The following WDR3 variants were observed in gnomAD, a reference collection of about 807,000 sequenced individuals.
WDR3 encodes WD repeat domain 3.
Under a neutral mutation model 123.7 loss-of-function variants are expected in WDR3, and 81 were observed. The observed-to-expected ratio is 0.65, with a 90% CI of 0.55 to 0.79. The LOEUF (loss-of-function observed/expected upper bound fraction) is 0.79, where lower values mean the gene tolerates loss of function less well. WDR3 is among the 30% of genes least tolerant of loss of function. The pLI is 0.00. For synonymous variants in WDR3, 390 were observed against 388.8 expected (o/e 1.00, Z -0.04); for missense variants, 1,027 against 1,123.2 (o/e 0.91, Z 1.22).
Position 117,964,179 on chromosome 1 carries a change from C to A in WDR3, c.*4732C>A. The A allele has an allele frequency of 3.4e-6, 1 of 298,498 alleles. No homozygotes were observed. The highest frequency in any genetic ancestry group is 4.3e-5 in the Admixed American group (1 of 23,110). The allele number at this position is 298,498 out of a possible 1,614,324, so 18.5% of individuals were successfully genotyped here. On this transcript the variant is annotated 3_prime_UTR_variant, in exon 27 of 27. Coordinates refer to ENST00000349139, the MANE Select transcript of WDR3 (RefSeq NM_006784.3). ...TTCTCTCCTAACTGTGACTGGCTTTCTATAAGGAGCCATCAGTATGGTCAA... is the reference window on the plus strand; with the variant it reads ...TTCTCTCCTAACTGTGACTGGCTTTATATAAGGAGCCATCAGTATGGTCAA...
chr1:117,949,667 C>CT, intron 13 of WDR3, 84 bp from the exon 14 acceptor site: 1 of 1,437,866 alleles, frequency 7.0e-7, no homozygotes, highest in Non-Finnish European at 9.5e-7. Flanking sequence ...AATAAAAATA[C>CT]TTTCTTAGAC....
chr1:117,956,117 A>G (rs780907569), intron 24 of WDR3, among the ~76,000 whole-genome samples: 15 of 152,066 alleles, frequency 9.9e-5, no homozygotes, highest in Non-Finnish European at 1.0e-4. Context: ...TTTGTTGACC[A>G]TTTGTATTTT....
chr1:117,934,590 G>C lies in WDR3; in HGVS notation c.289G>C (p.Gly97Arg), dbSNP rs989527119. ...GATCCGAATCTTCAGTCTCCTGAGT[G>C]GGGAAGGAAATGTGACCTTCAATGG... Reference protein sequence around the residue: ...GSIRIFSLLSGEGNVTFNGHK... With the variant: ...GSIRIFSLLSREGNVTFNGHK... The change falls in exon 3 of 27, where the codon GGG becomes CGG. Residue 97 changes from glycine (G) to arginine (R), a missense_variant. Coordinates refer to ENST00000349139, the MANE Select transcript of WDR3 (RefSeq NM_006784.3). 5 of 1,614,166 alleles carry C rather than the reference G, an allele frequency of 3.1e-6. No individual in the cohort carries two copies. Among genetic ancestry groups the C allele is most frequent in the Non-Finnish European group, 3.4e-6 (4 of 1,180,008 alleles).
intron 3 of WDR3, among the ~76,000 whole-genome samples, chr1:117,935,988 A>G (rs1158656834): frequency 2.0e-5 from 3 of 152,074 alleles, no homozygotes; most frequent in African/African-American, 4.8e-5. Flanking sequence ...TTCAAAAGAG[A>G]TACTTTATGG....
chr1:117,936,963 CATG>C, intron 4 of WDR3, 76 bp downstream of exon 4: 5 of 1,264,932 alleles, frequency 4.0e-6, no homozygotes, highest in Non-Finnish European at 5.7e-6. Context: ...TCATTTCTCT[CATG>C]AGCAGTGTGC....
At chr1:117,946,961 A>T (rs1651426812) in intron 12 of WDR3, among the ~76,000 whole-genome samples, 1 of 150,852 alleles carries the variant, frequency 6.6e-6, no homozygotes, top group Non-Finnish European at 1.5e-5. Flanking sequence ...AAAAAAAAAA[A>T]TGAGTAATTT....
At chr1:117,947,681 T>G (rs963426093) in intron 12 of WDR3, among the ~76,000 whole-genome samples, 2 of 152,200 alleles carry the variant, frequency 1.3e-5, no homozygotes, top group African/African-American at 4.8e-5. Flanking sequence ...GATGAAAAAC[T>G]AGGTTCATGG....
chr1:117,960,224 C>T lies in WDR3; in HGVS notation c.*777C>T, dbSNP rs1455066050. 6.6e-6 allele frequency: 1 copy of T among 151,618 alleles called. No individual in the cohort carries two copies. Among genetic ancestry groups the T allele is most frequent in the Non-Finnish European group, 1.5e-5 (1 of 67,958 alleles). 9.4% of individuals were successfully genotyped at this position (151,618 alleles called of 1,614,324 possible). ...CAGGTGGTAGGGGCACTGACCCACC[C>T]CTACGCCCCGCACAGTCAAAAATCT... On this transcript the variant is annotated 3_prime_UTR_variant, in exon 27 of 27. Coordinates refer to ENST00000349139, the MANE Select transcript of WDR3 (RefSeq NM_006784.3).
At chr1:117,951,280 G>A (rs555153479) in intron 16 of WDR3, among the ~76,000 whole-genome samples, 3 of 151,662 alleles carry the variant, frequency 2.0e-5, no homozygotes, top group East Asian at 3.9e-4. Flanking sequence ...GGATAGTTAC[G>A]GTATTTTACA....
In WDR3 at chr1:117,959,299, T is replaced by C. The variant is rs1652688527; in HGVS notation, c.2684T>C (p.Ile895Thr). The C allele has an allele frequency of 1.9e-6, 3 of 1,610,504 alleles. No individual in the cohort carries two copies. The highest frequency in any genetic ancestry group is 1.7e-5 in the Admixed American group (1 of 59,208). ...TCTTGTATTGCACTCCAGGATGTTA[T>C]CGGCTTCAATATGGCTGGTCTTGAT... ...ISKVSQVRDVIGFNMAGLDYL... is the reference protein window; with the variant it reads ...ISKVSQVRDVTGFNMAGLDYL... The change falls in exon 27 of 27, where the codon ATC (isoleucine) becomes ACC (threonine). Residue 895 changes from isoleucine (I) to threonine (T), a missense_variant. By Grantham distance (89) the Ile-to-Thr change is moderately conservative. Transcript: ENST00000349139.
rs199684236 is a variant in WDR3, at chr1:117,963,794, T to C, written c.*4347T>C. 6.2e-6 allele frequency: 10 copies of C among 1,606,368 alleles called. No individual in the cohort carries two copies. Among genetic ancestry groups the C allele is most frequent in the Non-Finnish European group, 8.5e-6 (10 of 1,175,972 alleles). Reference sequence around the variant, plus strand: ...AATCAAATTCCCATTTATTACTTACTGTACCTAATGTGGAGAAACTTTACG... The same window carrying C: ...AATCAAATTCCCATTTATTACTTACCGTACCTAATGTGGAGAAACTTTACG... On this transcript the variant is annotated 3_prime_UTR_variant, in exon 27 of 27. Coordinates refer to ENST00000349139, the MANE Select transcript of WDR3 (RefSeq NM_006784.3).
rs760660940 is a variant in WDR3 at position 117,939,497 on chromosome 1, G to A, written c.600G>A (p.Leu200=). ...TATAGGTATGGGGGTTGGTTCTGTT[G>A]TCAGAAGAAAAGCGACTCATCACTG... is the stretch of plus-strand genomic sequence containing the variant. ...HRTEVWGLVL[L]SEEKRLITGA... Residue 200 remains leucine, a synonymous_variant, in exon 6 of 27, where the codon TTG becomes TTA. Transcript: ENST00000349139. The A allele has an allele frequency of 6.2e-7, 1 of 1,610,578 alleles. No individual in the cohort carries two copies. The highest frequency in any genetic ancestry group is 8.5e-7 in the Non-Finnish European group (1 of 1,178,020).
Position 117,964,061 on chromosome 1 carries a change from T to C in WDR3, c.*4614T>C, listed in dbSNP as rs1019163532. On this transcript the variant is annotated 3_prime_UTR_variant, in exon 27 of 27. Coordinates refer to ENST00000349139, the MANE Select transcript of WDR3 (RefSeq NM_006784.3). Reference sequence around the variant, plus strand: ...ACATCAGTTCAATTTTAGGTAACTGTCTATCCAATGCAAATTCTGCATGCT... The same window carrying C: ...ACATCAGTTCAATTTTAGGTAACTGCCTATCCAATGCAAATTCTGCATGCT... 2.6e-5 allele frequency: 29 copies of C among 1,118,072 alleles called. No individual in the cohort carries two copies. The highest frequency in any genetic ancestry group is 3.7e-5 in the Non-Finnish European group (29 of 784,128). 69.3% of individuals were successfully genotyped at this position (1,118,072 alleles called of 1,614,324 possible). A position where few individuals can be genotyped will look rare whatever the true frequency, so the allele number is the denominator to read the frequency against.
At position 117,961,685 on chromosome 1, in the gene WDR3, G is replaced by A. The variant is rs1483433616; in HGVS notation, c.*2238G>A. ...TGCCGATTTGTGTCCCAAACCACAAGTCTTAATGTTCTTGAGCATAACACA... is the reference window on the plus strand; with the variant it reads ...TGCCGATTTGTGTCCCAAACCACAAATCTTAATGTTCTTGAGCATAACACA... On this transcript the variant is annotated 3_prime_UTR_variant, in exon 27 of 27. Coordinates refer to ENST00000349139, the MANE Select transcript of WDR3 (RefSeq NM_006784.3). 1.3e-5 allele frequency: 2 copies of A among 152,164 alleles called. No homozygotes were observed. The highest frequency in any genetic ancestry group is 2.9e-5 in the Non-Finnish European group (2 of 68,034). 9.4% of individuals were successfully genotyped at this position (152,164 alleles called of 1,614,324 possible).
chr1:117,940,938 G>T lies in WDR3; in HGVS notation c.787G>T (p.Asp263Tyr). ...CTTTGAGACGGATGAAGCCCCTGAG[G>T]ATGTAATTCATTTTCATTTCTTAAG... is the stretch of plus-strand genomic sequence containing the variant. ...GAFETDEAPE[D>Y]RILSCRKAGS... The change falls in exon 7 of 27, where the codon GAT (aspartate) becomes TAT (tyrosine). Residue 263 changes from aspartate to tyrosine, a missense_variant and splice_region_variant. Asp to Tyr is a radical substitution (Grantham distance 160). Transcript: ENST00000349139. 2 of 1,606,412 alleles carry T rather than the reference G, an allele frequency of 1.2e-6. No individual in the cohort carries two copies. The highest frequency in any genetic ancestry group is 1.7e-6 in the Non-Finnish European group (2 of 1,178,014).
intron 6 of WDR3, 61 bp from the exon 7 acceptor site, chr1:117,940,766 C>A: frequency 1.4e-6 from 2 of 1,426,906 alleles, no homozygotes; most frequent in Non-Finnish European, 1.9e-6. Flanking sequence ...ACAACAACAA[C>A]AACAACATGC....
intron 4 of WDR3, among the ~76,000 whole-genome samples, chr1:117,937,125 T>C (rs1318387139): frequency 6.6e-6 from 1 of 152,208 alleles, no homozygotes; most frequent in Non-Finnish European, 1.5e-5. Flanking sequence ...TCAGTTTTTC[T>C]GTGTTTCTTA....
rs1211435561 is a variant in WDR3, at chr1:117,959,335, G to GGGAAT, written c.2722_2726dup (p.Cys909TrpfsTer32). On this transcript the variant is annotated frameshift_variant, in exon 27 of 27. Coordinates refer to ENST00000349139, the MANE Select transcript of WDR3 (RefSeq NM_006784.3). LOFTEE classifies it high-confidence loss of function. ...ATGGCTGGTCTTGATTATCTCAAGA[G>GGGAAT]GGAATGCGAGGCAAAAAGTGAAGTT... The GGGAAT allele has an allele frequency of 6.2e-7, 1 of 1,613,884 alleles. No homozygotes were observed. The highest frequency in any genetic ancestry group is 2.2e-5 in the East Asian group (1 of 44,870).
In WDR3 at chr1:117,940,912, C is replaced by T. The variant is rs1651143492; in HGVS notation, c.761C>T (p.Ala254Val). 6.2e-7 allele frequency: 1 copy of T among 1,613,350 alleles called. No homozygotes were observed. The highest frequency in any genetic ancestry group is 1.3e-5 in the African/African-American group (1 of 74,950). Residue 254 changes from alanine to valine, a missense_variant, in exon 7 of 27, where the codon GCC (alanine) becomes GTC (valine). Transcript: ENST00000349139. ...IQDTLEAEDG[A>V]FETDEAPEDR... is the part of the protein sequence containing the mutation. ...GATACTCTTGAGGCAGAGGATGGTG[C>T]CTTTGAGACGGATGAAGCCCCTGAG...
Sources: allele counts gnomAD v4.1 joint callset (sites outside exome capture counted in the v4.1 genomes callset), GRCh38; gene constraint gnomAD v4.1.1; transcripts MANE v1.5; gene names NCBI Gene and HGNC (gene_info 2026-07-23, HGNC 2026-07-21).